The following IL6R variants were observed in gnomAD, a reference collection of about 807,000 sequenced individuals.
IL6R encodes interleukin-6 receptor subunit alpha.
Under a neutral mutation model 48.3 loss-of-function variants are expected in IL6R, and 38 were observed. The ratio of observed to expected loss-of-function variants is 0.79; its 90% confidence interval spans 0.61 to 1.03. The LOEUF is 1.03. IL6R is among the 50% of genes least tolerant of loss of function. The probability of loss-of-function intolerance (pLI) is 0.00; values close to 1 mark genes in which losing one functional copy is unlikely to be tolerated. For missense variants in IL6R, 534 were observed against 618.3 expected, an observed-to-expected ratio of 0.86 and a Z score of 1.45; for synonymous variants, 264 against 256.2, an observed-to-expected ratio of 1.03 and a Z score of -0.29.
chr1:154,411,150 C>T (rs1558296683), intron 1 of IL6R, among the ~76,000 whole-genome samples: 1 of 152,082 alleles, frequency 6.6e-6, no homozygotes, highest in Non-Finnish European at 1.5e-5. Context: ...CCTCTGCCTC[C>T]CGGGTTCAAG....
At position 154,429,257 on chromosome 1, in the gene IL6R, G is replaced by T. The variant is rs750083210; in HGVS notation, c.147G>T (p.Gly49=). The T allele has an allele frequency of 6.2e-7, 1 of 1,614,138 alleles. No homozygotes were observed. The highest frequency in any genetic ancestry group is 8.5e-7 in the Non-Finnish European group (1 of 1,180,026). The part of the protein sequence containing the change: ...PGDSVTLTCP[G]VEPEDNATVH... ...ACAGCGTGACTCTGACCTGCCCGGG[G>T]GTAGAGCCGGAAGACAATGCCACTG... The change falls in exon 2 of 10, where the codon GGG becomes GGT. Residue 49 remains glycine (G), a synonymous_variant. Transcript: ENST00000368485.
chr1:154,409,254 A>G (rs1190650637), intron 1 of IL6R, among the ~76,000 whole-genome samples: 2 of 152,208 alleles, frequency 1.3e-5, no homozygotes, highest in South Asian at 4.1e-4. Flanking sequence ...GCAGATACAG[A>G]TCTCTTCCAT....
chr1:154,446,770 C>T (rs1690252396), intron 6 of IL6R, among the ~76,000 whole-genome samples: 1 of 152,072 alleles, frequency 6.6e-6, no homozygotes, highest in South Asian at 2.1e-4. Flanking sequence ...CAAAAAGGTG[C>T]ATAGAAGGAA....
chr1:154,447,514 CACACATACATATATAT>C (rs1205119369), intron 6 of IL6R, among the ~76,000 whole-genome samples: 18 of 76,392 alleles, frequency 2.4e-4, no homozygotes, highest in Non-Finnish European at 3.1e-4. Flanking sequence ...TATATATATA[CACACATACATATATAT>C]ACACATACAT....
chr1:154,420,900 C>T (rs1170408113), intron 1 of IL6R, among the ~76,000 whole-genome samples: 3 of 152,166 alleles, frequency 2.0e-5, no homozygotes, highest in Admixed American at 1.3e-4. Flanking sequence ...CCCAACCCCA[C>T]ACAATTAATA....
At chr1:154,447,596 A>G (rs1690340836) in intron 6 of IL6R, among the ~76,000 whole-genome samples, 1 of 137,628 alleles carries the variant, frequency 7.3e-6, no homozygotes, top group African/African-American at 2.6e-5. Flanking sequence ...TATAAAATAA[A>G]TTTTAAAAGT....
At chr1:154,454,744 C>T (rs1458123932) in intron 9 of IL6R, among the ~76,000 whole-genome samples, 163 bp downstream of exon 9, 2 of 152,078 alleles carry the variant, frequency 1.3e-5, no homozygotes, top group African/African-American at 4.8e-5. Context: ...TATGCCAAGC[C>T]GTGTTTTAGG....
chr1:154,455,457 T>TC (rs1285599169), intron 9 of IL6R, among the ~76,000 whole-genome samples: 3 of 142,472 alleles, frequency 2.1e-5, no homozygotes, highest in African/African-American at 7.7e-5. Flanking sequence ...TTTCTTTTCT[T>TC]TTTTTTTTTT....
Position 154,405,546 on chromosome 1 carries a change from C to CCCCCA in IL6R, c.-81_-80insCACCC. The CCCCCA allele has an allele frequency of 1.6e-6, 1 of 642,878 alleles. No homozygotes were observed. 39.8% of individuals were successfully genotyped at this position (642,878 alleles called of 1,614,324 possible). A position where few individuals can be genotyped will look rare whatever the true frequency, so the allele number is the denominator to read the frequency against. The stretch of plus-strand genomic sequence containing the variant: ...GCCCGCCTGCCCGCCCACCGCCCCG[C>CCCCCA]CCCGCCCCTGCCACCCCTGCCGCCC... On this transcript the variant is annotated 5_prime_UTR_variant, in exon 1 of 10. Coordinates refer to ENST00000368485, the MANE Select transcript of IL6R (RefSeq NM_000565.4). The surrounding 1 kb of genome is among the most constrained non-coding windows in gnomAD (Gnocchi z 5.2).
At chr1:154,455,965 G>A (rs1203928535) in intron 9 of IL6R, among the ~76,000 whole-genome samples, 1 of 151,814 alleles carries the variant, frequency 6.6e-6, no homozygotes, top group Non-Finnish European at 1.5e-5. Flanking sequence ...ACTGAGGCAG[G>A]AGAATCACTT....
chr1:154,451,107 A>G (rs1690555286), intron 8 of IL6R, among the ~76,000 whole-genome samples: 1 of 152,220 alleles, frequency 6.6e-6, no homozygotes, highest in Non-Finnish European at 1.5e-5. Context: ...AGCAAAGTGG[A>G]ATTTAGAGAT....
intron 1 of IL6R, among the ~76,000 whole-genome samples, chr1:154,427,903 C>T (rs1689066093): frequency 6.6e-6 from 1 of 152,214 alleles, no homozygotes; most frequent in Non-Finnish European, 1.5e-5. Flanking sequence ...TGTGCTGCTT[C>T]TGAGTCCCAG....
chr1:154,446,710 C>T (rs1377274873), intron 6 of IL6R, among the ~76,000 whole-genome samples: 1 of 152,140 alleles, frequency 6.6e-6, no homozygotes, highest in Non-Finnish European at 1.5e-5. Context: ...GCAATGTGTA[C>T]TAAACCCATA....
chr1:154,409,967 A>G (rs7411976), intron 1 of IL6R, among the ~76,000 whole-genome samples: 2 of 152,238 alleles, frequency 1.3e-5, no homozygotes, highest in East Asian at 3.9e-4. Context: ...AAAATATACA[A>G]ATCTCTAGAG....
rs1182544734 is a variant in IL6R at position 154,434,580 on chromosome 1, T to C, written c.520T>C (p.Phe174Leu). 6.2e-7 allele frequency: 1 copy of C among 1,613,920 alleles called. No individual in the cohort carries two copies. Among genetic ancestry groups the C allele is most frequent in the Non-Finnish European group, 8.5e-7 (1 of 1,179,982 alleles). ...PCQYSQESQK[F>L]SCQLAVPEGD... ...CCAGTATTCCCAGGAGTCCCAGAAGTTCTCCTGCCAGTTAGCAGTCCCGGA... is the reference window on the plus strand; with the variant it reads ...CCAGTATTCCCAGGAGTCCCAGAAGCTCTCCTGCCAGTTAGCAGTCCCGGA... Residue 174 changes from phenylalanine (F) to leucine (L), a missense_variant, in exon 4 of 10, where the codon TTC becomes CTC. By Grantham distance (22) the Phe-to-Leu change is conservative (BLOSUM62 0). Transcript: ENST00000368485.
chr1:154,430,658 C>G (rs201040268), intron 3 of IL6R, 52 bp downstream of exon 3: 3 of 1,610,464 alleles, frequency 1.9e-6, no homozygotes, highest in Admixed American at 1.7e-5. Flanking sequence ...CTTCCCGAGG[C>G]CCCCCAGAGA....
At chr1:154,450,019 G>A in intron 8 of IL6R, 39 bp downstream of exon 8, 2 of 1,316,800 alleles carry the variant, frequency 1.5e-6, no homozygotes, top group Non-Finnish European at 1.1e-6. Flanking sequence ...GGGTCCGAGG[G>A]ACAGAAGATT....
rs889643319 is a variant in IL6R, at chr1:154,455,762, T to G, written c.1160+1181T>G. Among the ~76,000 whole-genome samples, 11 of 151,018 alleles carry G rather than the reference T, an allele frequency of 7.3e-5. No homozygotes were observed. In the East Asian group the frequency reaches 2.2e-3, roughly 31 times the overall value. ...CCACCGCGCCCAGCCTGTGGAGTTT[T>G]AAGAAGAACCTGGGCCAGGCGCTGT... On this transcript the variant is annotated intron_variant, in intron 9 of 9. Transcript: ENST00000368485.
At position 154,436,016 on chromosome 1, in the gene IL6R, C is replaced by A. The variant is rs1277572948; in HGVS notation, c.855C>A (p.Gly285=). 1 of 1,612,728 alleles carries A rather than the reference C, an allele frequency of 6.2e-7. No homozygotes were observed. The highest frequency in any genetic ancestry group is 1.7e-5 in the Admixed American group (1 of 59,950). The stretch of plus-strand genomic sequence containing the variant: ...GTGTCATCCACGACGCCTGGAGCGG[C>A]CTGAGGCACGTGGTGCAGCTTCGTG... ...HHCVIHDAWS[G]LRHVVQLRAQ... is the part of the protein sequence containing the mutation. The change falls in exon 6 of 10, where the codon GGC becomes GGA. Residue 285 remains glycine, a synonymous_variant. Transcript: ENST00000368485.
Sources: allele counts gnomAD v4.1 joint callset (sites outside exome capture counted in the v4.1 genomes callset), GRCh38; gene constraint gnomAD v4.1.1; non-coding constraint Gnocchi (gnomAD v3.1); transcripts MANE v1.5; gene names NCBI Gene and HGNC (gene_info 2026-07-23, HGNC 2026-07-21).